SLC30A8: variants seen among roughly 807,000 people sequenced by gnomAD.
The protein encoded by SLC30A8 is solute carrier family 30 member 8, also known as proton-coupled zinc antiporter SLC30A8.
Under a neutral mutation model 36.9 loss-of-function variants are expected in SLC30A8, and 27 were observed. The observed-to-expected ratio is 0.73, with a 90% confidence interval of 0.54 to 1.01. SLC30A8 has a LOEUF of 1.01. Ranked by LOEUF, SLC30A8 falls within the 50% of genes least tolerant of loss-of-function variation. The pLI is 0.00. For synonymous variants in SLC30A8, 164 were observed against 172.4 expected (o/e 0.95, Z 0.38); for missense variants, 439 against 452.0 (o/e 0.97, Z 0.26).
intron 1 of SLC30A8, among the ~76,000 whole-genome samples, chr8:116,999,815 AAAG>A (rs139630688): frequency 0.025 from 3,793 of 152,282 alleles, 171 homozygotes; most frequent in African/African-American, 0.086. Context: ...TTTATAAGGA[AAAG>A]AAATTATGAA....
chr8:117,012,719 A>ATG (rs1276456017), intron 1 of SLC30A8, among the ~76,000 whole-genome samples: 1 of 104,914 alleles, frequency 9.5e-6, no homozygotes, highest in African/African-American at 3.6e-5. Flanking sequence ...ACATAGACAT[A>ATG]TGTATACACA....
At chr8:117,062,820 G>C (rs1818061519) in intron 2 of SLC30A8, among the ~76,000 whole-genome samples, 1 of 152,200 alleles carries the variant, frequency 6.6e-6, no homozygotes, top group Non-Finnish European at 1.5e-5. Flanking sequence ...GAGTCTCTTT[G>C]ATGGCTGTGA....
At chr8:117,165,228 A>G (rs139363807) in intron 6 of SLC30A8, among the ~76,000 whole-genome samples, 5 of 152,306 alleles carry the variant, frequency 3.3e-5, no homozygotes, top group Admixed American at 3.3e-4. Flanking sequence ...TCACATCCAC[A>G]ATATAGTGTT....
intron 2 of SLC30A8, among the ~76,000 whole-genome samples, chr8:117,051,460 T>C (rs1052420093): frequency 2.6e-5 from 4 of 152,194 alleles, no homozygotes; most frequent in Non-Finnish European, 1.5e-5. Flanking sequence ...CGGCTTAGTG[T>C]CCACCCCATG....
chr8:116,962,083 A>G (rs1479670073), intron 1 of SLC30A8, among the ~76,000 whole-genome samples: 2 of 152,042 alleles, frequency 1.3e-5, no homozygotes, highest in Non-Finnish European at 2.9e-5. Context: ...GCTTTCTAGC[A>G]GCTAATAGCA....
chr8:117,011,756 G>A (rs1816350926), intron 1 of SLC30A8, among the ~76,000 whole-genome samples: 1 of 152,170 alleles, frequency 6.6e-6, no homozygotes. Context: ...ATGGCATTTT[G>A]TTACATATTA....
intron 5 of SLC30A8, among the ~76,000 whole-genome samples, chr8:117,162,492 G>A (rs1401776809): frequency 6.6e-6 from 1 of 152,074 alleles, no homozygotes. Context: ...GTAAGCCTCT[G>A]ACCCTAAACA....
chr8:117,006,880 T>G (rs1043236342), intron 1 of SLC30A8: 1 of 145,774 alleles, frequency 6.9e-6, no homozygotes, highest in Admixed American at 7.1e-5. Flanking sequence ...CCTCCCAGGT[T>G]CAAGTGATTC....
chr8:117,172,642 G>A lies in SLC30A8; in HGVS notation c.1071G>A (p.Gln357=), dbSNP rs770651092. Residue 357 remains glutamine (Q), a synonymous_variant, in exon 8 of 8, where the codon CAG becomes CAA. Coordinates refer to ENST00000456015, the MANE Select transcript of SLC30A8 (RefSeq NM_173851.3). ...LTIQMESPVD[Q]DPDCLFCEDP... is the part of the protein sequence containing the mutation. ...TTCAGATGGAATCTCCAGTTGACCA[G>A]GACCCCGACTGCCTTTTCTGTGAAG... The A allele has an allele frequency of 6.2e-7, 1 of 1,613,742 alleles. No homozygotes were observed. Among genetic ancestry groups the A allele is most frequent in the Non-Finnish European group, 8.5e-7 (1 of 1,179,710 alleles).
intron 1 of SLC30A8, among the ~76,000 whole-genome samples, chr8:117,014,300 C>G (rs1181568283): frequency 6.6e-6 from 1 of 152,016 alleles, no homozygotes; most frequent in East Asian, 1.9e-4. Flanking sequence ...TTCTTAGTTT[C>G]CAGAATGTGG....
Position 117,175,281 on chromosome 8 carries a change from A to AAATC in SLC30A8, c.*2602_*2605dup, listed in dbSNP as rs1291778960. ...CAACACTCTGTTCTTCTGAGTAGTG[A>AAATC]AATCAGGTCAACTTTACCACCAGCC... On this transcript the variant is annotated 3_prime_UTR_variant, in exon 8 of 8. Transcript: ENST00000456015. 1 of 152,104 alleles carries AAATC rather than the reference A, an allele frequency of 6.6e-6. No homozygotes were observed. The highest frequency in any genetic ancestry group is 6.6e-5 in the Admixed American group (1 of 15,252). 9.4% of individuals were successfully genotyped at this position (152,104 alleles called of 1,614,324 possible). A position where few individuals can be genotyped will look rare whatever the true frequency, so the allele number is the denominator to read the frequency against.
At chr8:116,990,141 A>G (rs933876763) in intron 1 of SLC30A8, among the ~76,000 whole-genome samples, 1 of 152,124 alleles carries the variant, frequency 6.6e-6, no homozygotes, top group Non-Finnish European at 1.5e-5. Context: ...ATAACATGCT[A>G]TATACTGGTT....
intron 1 of SLC30A8, among the ~76,000 whole-genome samples, chr8:117,011,078 A>T (rs551564616): frequency 1.9e-4 from 29 of 152,220 alleles, no homozygotes; most frequent in African/African-American, 5.5e-4. Flanking sequence ...ACTACGCTAA[A>T]CTCTTATCTA....
rs1448903631 is a variant in SLC30A8, at chr8:117,008,588, A to G, written c.-265-30631A>G. 2.6e-5 allele frequency among the ~76,000 whole-genome samples: 4 copies of G among 152,206 alleles called. No individual in the cohort carries two copies. In the East Asian group the frequency reaches 7.7e-4, roughly 29 times the overall value. ...TATGTCAAATGGTCAAGTATCTGCA[A>G]TCCAGAGTGGACTATCTCTGCCATC... On this transcript the variant is annotated intron_variant, in intron 1 of 10. Transcript: ENST00000427715.
At chr8:117,076,292 AGAG>A (rs1818485138) in intron 2 of SLC30A8, among the ~76,000 whole-genome samples, 1 of 152,242 alleles carries the variant, frequency 6.6e-6, no homozygotes, top group African/African-American at 2.4e-5. Flanking sequence ...AAATGTCTAA[AGAG>A]GAGAAGTCTA....
rs567656762 is a variant in SLC30A8, at chr8:117,044,896, G to T, written c.-226+5638G>T. On this transcript the variant is annotated intron_variant, in intron 2 of 10. Coordinates refer to the SLC30A8 transcript ENST00000427715. ...GGCTCCTGCTGCCATCTTGTGGCGAGAAGGCGCCTTCTGCCTCAGAACTAG... is the reference window on the plus strand; with the variant it reads ...GGCTCCTGCTGCCATCTTGTGGCGATAAGGCGCCTTCTGCCTCAGAACTAG... 1.2e-3 allele frequency among the ~76,000 whole-genome samples: 184 copies of T among 152,298 alleles called. 1 individual carries two copies. The highest frequency in any genetic ancestry group is 4.3e-3 in the African/African-American group (178 of 41,572).
At chr8:116,958,936 G>C (rs561551027) in intron 1 of SLC30A8, among the ~76,000 whole-genome samples, 13 of 123,772 alleles carry the variant, frequency 1.1e-4, no homozygotes, top group Admixed American at 2.1e-4. Context: ...TGCCACCTCC[G>C]CCTCTCGGGT....
At chr8:117,155,689 T>C (rs73317638) in intron 3 of SLC30A8, among the ~76,000 whole-genome samples, 17,148 of 152,186 alleles carry the variant, frequency 0.11, 1,736 homozygotes, top group African/African-American at 0.27. Context: ...AATACATTTC[T>C]GTTTAAACAA....
chr8:117,088,454 T>C (rs1474229943), intron 2 of SLC30A8, among the ~76,000 whole-genome samples: 2 of 152,154 alleles, frequency 1.3e-5, no homozygotes, highest in African/African-American at 2.4e-5. Flanking sequence ...TGCACATTAA[T>C]AACCCAAATA....
Sources: gnomAD v4.1 joint callset for allele counts (sites outside exome capture counted in the v4.1 genomes callset) on GRCh38, gnomAD v4.1.1 for gene constraint, MANE v1.5 for transcripts, NCBI Gene and HGNC (gene_info 2026-07-23, HGNC 2026-07-21) for gene names.